SLC26A7: variants seen among roughly 807,000 people sequenced by gnomAD.
SLC26A7 encodes solute carrier family 26 member 7, also known as anion exchange transporter.
SLC26A7 carries 59 observed loss-of-function variants against 82.5 expected under a neutral mutation model. The observed-to-expected ratio is 0.72, with a 90% confidence interval of 0.58 to 0.89. The LOEUF (loss-of-function observed/expected upper bound fraction) is 0.89, where lower values mean the gene tolerates loss of function less well. SLC26A7 is among the 40% of genes least tolerant of loss of function. The pLI, the probability that SLC26A7 is intolerant of heterozygous loss-of-function variation, is 0.00. For synonymous variants in SLC26A7, 271 were observed against 274.3 expected (o/e 0.99, Z 0.12); for missense variants, 820 against 793.0 (o/e 1.03, Z -0.41).
At position 91,393,803 on chromosome 8, in the gene SLC26A7, A is replaced by G. The variant is rs900662070; in HGVS notation, c.1783A>G (p.Met595Val). 2 of 1,613,520 alleles carry G rather than the reference A, an allele frequency of 1.2e-6. No homozygotes were observed. Among genetic ancestry groups the G allele is most frequent in the Non-Finnish European group, 1.7e-6 (2 of 1,179,522 alleles). Residue 595 changes from methionine (M) to valine (V), a missense_variant, in exon 17 of 19, where the codon ATG (methionine) becomes GTG (valine). Transcript: ENST00000276609. The part of the protein sequence containing the change: ...SGVSMLVEVY[M>V]DCKGRSVDVL... Reference sequence around the variant, plus strand: ...CCTATTTTAATTCTTCCAGGTTTACATGGACTGTAAAGGCAGGAGTGTGGA... The same window carrying G: ...CCTATTTTAATTCTTCCAGGTTTACGTGGACTGTAAAGGCAGGAGTGTGGA...
At chr8:91,258,448 C>T (rs893833455) in intron 2 of SLC26A7, among the ~76,000 whole-genome samples, 1 of 152,032 alleles carries the variant, frequency 6.6e-6, no homozygotes, top group Non-Finnish European at 1.5e-5. Context: ...AGTGATCCTT[C>T]TTCCCCTGTC....
chr8:91,369,758 TC>T, intron 14 of SLC26A7, 26 bp from the exon 15 acceptor site: 1 of 1,507,678 alleles, frequency 6.6e-7, no homozygotes, highest in Non-Finnish European at 9.0e-7. Flanking sequence ...ATAACATTTT[TC>T]TTCTTTATGT....
At chr8:91,269,404 TTTG>T (rs754592286) in intron 2 of SLC26A7, among the ~76,000 whole-genome samples, 19 of 152,122 alleles carry the variant, frequency 1.2e-4, no homozygotes, top group East Asian at 9.7e-4. Flanking sequence ...GATAACAGTT[TTTG>T]TTGTTGTTGT....
At chr8:91,337,452 G>A (rs1813274223) in intron 6 of SLC26A7, among the ~76,000 whole-genome samples, 1 of 152,128 alleles carries the variant, frequency 6.6e-6, no homozygotes. Flanking sequence ...ATGGAAAACA[G>A]TAGAATGCAG....
intron 14 of SLC26A7, among the ~76,000 whole-genome samples, chr8:91,369,013 C>T (rs566582503): frequency 6.6e-6 from 1 of 152,268 alleles, no homozygotes; most frequent in South Asian, 2.1e-4. Flanking sequence ...AAAAACTGAT[C>T]TCGTGAGAGA....
chr8:91,359,446 G>T (rs1813983560), intron 11 of SLC26A7, among the ~76,000 whole-genome samples: 1 of 152,144 alleles, frequency 6.6e-6, no homozygotes, highest in African/African-American at 2.4e-5. Context: ...AAGTTTCAAG[G>T]TGTTTGATAG....
At chr8:91,212,379 G>A (rs1809945572) in intron 1 of SLC26A7, among the ~76,000 whole-genome samples, 1 of 152,044 alleles carries the variant, frequency 6.6e-6, no homozygotes, top group South Asian at 2.1e-4. Context: ...AGTTTAGGGA[G>A]GGAATGGTTT....
chr8:91,251,908 C>A (rs1810668392), intron 2 of SLC26A7, among the ~76,000 whole-genome samples: 1 of 152,088 alleles, frequency 6.6e-6, no homozygotes. Flanking sequence ...ATTGCTTTTG[C>A]ATTCAGGTTT....
intron 11 of SLC26A7, among the ~76,000 whole-genome samples, chr8:91,354,000 G>A (rs748065797): frequency 6.6e-6 from 1 of 152,042 alleles, no homozygotes; most frequent in Non-Finnish European, 1.5e-5. Context: ...ATTTAATTTG[G>A]ACTGATTAAC....
chr8:91,211,616 ATTTT>A (rs34106795), intron 1 of SLC26A7, among the ~76,000 whole-genome samples: 4 of 137,530 alleles, frequency 2.9e-5, no homozygotes, highest in African/African-American at 8.8e-5. Context: ...ATATATATAT[ATTTT>A]TTTTTTATTT....
chr8:91,298,982 G>C (rs1812089343), intron 4 of SLC26A7, among the ~76,000 whole-genome samples: 1 of 152,158 alleles, frequency 6.6e-6, no homozygotes, highest in Non-Finnish European at 1.5e-5. Context: ...CTTACCAACA[G>C]AATGTGTTCT....
intron 11 of SLC26A7, among the ~76,000 whole-genome samples, chr8:91,359,674 A>T (rs1813992004): frequency 6.6e-6 from 1 of 152,154 alleles, no homozygotes; most frequent in South Asian, 2.1e-4. Flanking sequence ...CTGCTAAGGG[A>T]TTCAGCAGAG....
intron 2 of SLC26A7, among the ~76,000 whole-genome samples, chr8:91,288,486 AAC>A (rs1373882877): frequency 2.0e-5 from 3 of 152,224 alleles, no homozygotes; most frequent in Non-Finnish European, 4.4e-5. Flanking sequence ...AATAAAAATT[AAC>A]AGTTATGAAT....
At chr8:91,341,270 G>A (rs796802097) in intron 8 of SLC26A7, among the ~76,000 whole-genome samples, 7 of 152,126 alleles carry the variant, frequency 4.6e-5, no homozygotes, top group East Asian at 1.9e-4. Flanking sequence ...AGTTTACTGA[G>A]AATGATGATT....
At chr8:91,297,697 C>T (rs908202664) in intron 4 of SLC26A7, among the ~76,000 whole-genome samples, 1 of 152,132 alleles carries the variant, frequency 6.6e-6, no homozygotes. Context: ...CAACTAGAAA[C>T]TTCAAGAGTT....
intron 2 of SLC26A7, among the ~76,000 whole-genome samples, chr8:91,223,860 G>A (rs1428331565): frequency 6.6e-6 from 1 of 151,918 alleles, no homozygotes; most frequent in South Asian, 2.1e-4. Flanking sequence ...TTTCTTGGAG[G>A]CTTTGTTCAT....
At chr8:91,307,398 C>T (rs973400373) in intron 4 of SLC26A7, among the ~76,000 whole-genome samples, 9 of 140,526 alleles carry the variant, frequency 6.4e-5, no homozygotes, top group Non-Finnish European at 1.4e-4. Flanking sequence ...TGGAACCAAC[C>T]CAAATGTCCA....
At chr8:91,339,306 A>G (rs1445997315) in intron 7 of SLC26A7, among the ~76,000 whole-genome samples, 2 of 152,076 alleles carry the variant, frequency 1.3e-5, no homozygotes, top group Admixed American at 6.6e-5. Context: ...CCACTCCTCT[A>G]TCACCTCTAA....
intron 4 of SLC26A7, among the ~76,000 whole-genome samples, 168 bp from the exon 5 acceptor site, chr8:91,318,048 G>C (rs1043333783): frequency 6.6e-6 from 1 of 151,186 alleles, no homozygotes; most frequent in African/African-American, 2.4e-5. Context: ...CTAACAATGT[G>C]CTCAGGGAAA....
Sources: gnomAD v4.1 joint callset for allele counts (sites outside exome capture counted in the v4.1 genomes callset) on GRCh38, gnomAD v4.1.1 for gene constraint, MANE v1.5 for transcripts, NCBI Gene and HGNC (gene_info 2026-07-23, HGNC 2026-07-21) for gene names.